Variants in GOLGA4 observed in about 807,000 individuals in gnomAD.
The protein encoded by GOLGA4 is golgin A4, also known as golgin subfamily A member 4.
A neutral mutation model predicts 265.9 loss-of-function variants in GOLGA4; 169 were observed. That is an observed-to-expected ratio of 0.64 (90% CI 0.56 to 0.72). The LOEUF is 0.72. GOLGA4 is among the 30% of genes least tolerant of loss of function. The pLI, the probability that GOLGA4 is intolerant of heterozygous loss-of-function variation, is 0.00. For missense variants in GOLGA4, 2,482 were observed against 2,483.4 expected (o/e 1.00, Z 0.01); for synonymous variants, 923 against 855.8 (o/e 1.08, Z -1.37).
intron 2 of GOLGA4, among the ~76,000 whole-genome samples, chr3:37,255,470 G>T (rs1222044603): frequency 1.3e-5 from 2 of 151,498 alleles, no homozygotes; most frequent in East Asian, 2.0e-4. Context: ...ACCTTTATAT[G>T]TCCCTTTTAT....
At chr3:37,317,376 G>A (rs1226036806) in intron 11 of GOLGA4, among the ~76,000 whole-genome samples, 2 of 152,030 alleles carry the variant, frequency 1.3e-5, no homozygotes, top group African/African-American at 4.8e-5. Flanking sequence ...CTCCATGTTG[G>A]CCAGGCTGGT....
rs900765889 is a variant in GOLGA4, at chr3:37,299,356, G to A, written c.1071G>A (p.Gln357=). 1.9e-6 allele frequency: 3 copies of A among 1,609,740 alleles called. No individual in the cohort carries two copies. The Admixed American group carries it at 5.0e-5, about 27-fold the overall frequency. The change falls in exon 9 of 24, where the codon CAG becomes CAA. Residue 357 remains glutamine, a synonymous_variant. Coordinates refer to ENST00000361924, the MANE Select transcript of GOLGA4 (RefSeq NM_002078.5). Reference sequence around the variant, plus strand: ...GTGATGCAAAGAACTTAATTGAACAGCTTGAACAAGATAAGGTAAAACAAC... The same window carrying A: ...GTGATGCAAAGAACTTAATTGAACAACTTGAACAAGATAAGGTAAAACAAC... The part of the protein sequence containing the change: ...QLRDAKNLIE[Q]LEQDKGMVIA...
rs2096971427 is a variant in GOLGA4, at chr3:37,326,546, C to G, written c.4660C>G (p.Gln1554Glu). The G allele has an allele frequency of 6.2e-7, 1 of 1,609,196 alleles. No homozygotes were observed. ...TGAAGTTCTTAAAAATTACAATCAA[C>G]AAAAGGATATTGAACACAAAGAATT... ...LNEVLKNYNQQKDIEHKELVQ... is the reference protein window; with the variant it reads ...LNEVLKNYNQEKDIEHKELVQ... Residue 1554 changes from glutamine (Q) to glutamate (E), a missense_variant, in exon 14 of 24, where the codon CAA becomes GAA. Transcript: ENST00000361924.
At position 37,251,396 on chromosome 3, in the gene GOLGA4, C is replaced by A. The variant is rs201682914; in HGVS notation, c.74C>A (p.Ala25Glu). The change falls in exon 2 of 24, where the codon GCG (alanine) becomes GAG (glutamate). Residue 25 changes from alanine (A) to glutamate (E), a missense_variant and splice_region_variant. Transcript: ENST00000361924. Reference sequence around the variant, plus strand: ...TTGTGCAATAATTTTTAAATCTAGGCGTCCTCCAATTCTTCAACACCAACA... The same window carrying A: ...TTGTGCAATAATTTTTAAATCTAGGAGTCCTCCAATTCTTCAACACCAACA... ...QLQQALAPAQ[A>E]SSNSSTPTRM... 3 of 1,602,214 alleles carry A rather than the reference C, an allele frequency of 1.9e-6. No homozygotes were observed. The East Asian group carries it at 6.7e-5, about 36-fold the overall frequency.
chr3:37,245,349 C>T (rs576243179), intron 1 of GOLGA4: 2 of 152,508 alleles, frequency 1.3e-5, no homozygotes, highest in Non-Finnish European at 2.9e-5. Context: ...CCTAATGTTA[C>T]GCAGCTAGTG....
intron 10 of GOLGA4, among the ~76,000 whole-genome samples, chr3:37,308,245 AC>A (rs1346287864): frequency 4.6e-5 from 7 of 151,758 alleles, no homozygotes; most frequent in Non-Finnish European, 7.4e-5. Flanking sequence ...AAAAAAAAAA[AC>A]GAACAAAAAG....
chr3:37,279,387 C>T (rs76640322), intron 2 of GOLGA4, among the ~76,000 whole-genome samples: 2,006 of 152,212 alleles, frequency 0.013, 54 homozygotes, highest in African/African-American at 0.045. Context: ...AAGAAAGCTT[C>T]CCCCCGCCCT....
chr3:37,347,212 G>A lies in GOLGA4; in HGVS notation c.6492G>A (p.Thr2164=), dbSNP rs763092455. 60 of 1,610,936 alleles carry A rather than the reference G, an allele frequency of 3.7e-5. No individual in the cohort carries two copies. Among genetic ancestry groups the A allele is most frequent in the Non-Finnish European group, 4.7e-5 (55 of 1,177,752 alleles). The stretch of plus-strand genomic sequence containing the variant: ...TGGCAGGTGGCAATTTGTACCATAC[G>A]GATGTCTCACTCTTTGGAGAACCTA... ...TPYKGGNLYH[T]DVSLFGEPTE... The change falls in exon 21 of 24, where the codon ACG becomes ACA. Residue 2164 remains threonine, a synonymous_variant. Transcript: ENST00000361924.
At chr3:37,308,974 G>C (rs1320708473) in intron 10 of GOLGA4, among the ~76,000 whole-genome samples, 1 of 152,060 alleles carries the variant, frequency 6.6e-6, no homozygotes, top group Non-Finnish European at 1.5e-5. Flanking sequence ...TTATAGGCCG[G>C]GTGTGGTGGC....
Position 37,286,271 on chromosome 3 carries a change from A to G in GOLGA4, c.525+210A>G, listed in dbSNP as rs566538529. Among the ~76,000 whole-genome samples, 3 of 146,674 alleles carry G rather than the reference A, an allele frequency of 2.0e-5. No homozygotes were observed. In the East Asian group the frequency reaches 6.0e-4, roughly 30 times the overall value. ...CGGGTTCACGCCATTCTCCTGCCTC[A>G]GCCTCCCGAGTAGCTGGGACTACAG... is the stretch of plus-strand genomic sequence containing the variant. On this transcript the variant is annotated intron_variant, in intron 4 of 23. Transcript: ENST00000361924.
chr3:37,248,259 G>A (rs1248645469), intron 1 of GOLGA4, among the ~76,000 whole-genome samples: 1 of 152,236 alleles, frequency 6.6e-6, no homozygotes, highest in Non-Finnish European at 1.5e-5. Flanking sequence ...ACAGGCATGA[G>A]CCACTGTGCA....
intron 12 of GOLGA4, chr3:37,319,396 C>T: frequency 2.9e-6 from 1 of 348,986 alleles, no homozygotes; most frequent in East Asian, 5.0e-5. Flanking sequence ...TGATCTAACA[C>T]ACTTTCTTTT....
intron 23 of GOLGA4, among the ~76,000 whole-genome samples, chr3:37,363,999 T>C (rs1331548870): frequency 2.0e-5 from 3 of 152,190 alleles, no homozygotes; most frequent in Non-Finnish European, 4.4e-5. Context: ...TGTTGGTGTC[T>C]TCTTTAGGTT....
At chr3:37,308,842 C>G (rs1219572673) in intron 10 of GOLGA4, among the ~76,000 whole-genome samples, 1 of 152,018 alleles carries the variant, frequency 6.6e-6, no homozygotes, top group African/African-American at 2.4e-5. Flanking sequence ...GTCTCAAACT[C>G]TGACCTCGTG....
At chr3:37,244,452 C>T (rs2096713310) in intron 1 of GOLGA4, among the ~76,000 whole-genome samples, 1 of 152,200 alleles carries the variant, frequency 6.6e-6, no homozygotes, top group Non-Finnish European at 1.5e-5. Context: ...AAACAATTTC[C>T]TAAGCGTTCA....
chr3:37,253,877 G>A (rs984619479), intron 2 of GOLGA4, among the ~76,000 whole-genome samples: 23 of 152,102 alleles, frequency 1.5e-4, no homozygotes, highest in African/African-American at 4.8e-4. Context: ...TTAGCCAGAC[G>A]TGGTGACACG....
At chr3:37,336,496 C>T (rs2097013187) in intron 17 of GOLGA4, among the ~76,000 whole-genome samples, 1 of 151,924 alleles carries the variant, frequency 6.6e-6, no homozygotes, top group African/African-American at 2.4e-5. Flanking sequence ...AGAGGTAGCT[C>T]ATGCCTGTAA....
chr3:37,365,354 C>T (rs760761338), intron 23 of GOLGA4, among the ~76,000 whole-genome samples: 10 of 152,162 alleles, frequency 6.6e-5, no homozygotes, highest in Non-Finnish European at 8.8e-5. Context: ...CTGCAACCTC[C>T]GCCTCCTGAG....
chr3:37,284,532 G>A (rs373863640), intron 3 of GOLGA4, among the ~76,000 whole-genome samples: 5 of 152,232 alleles, frequency 3.3e-5, no homozygotes, highest in South Asian at 2.1e-4. Context: ...GATTACAGGC[G>A]TGAGCCACCA....
Sources: gnomAD v4.1 joint callset for allele counts (sites outside exome capture counted in the v4.1 genomes callset) on GRCh38, gnomAD v4.1.1 for gene constraint, MANE v1.5 for transcripts, NCBI Gene and HGNC (gene_info 2026-07-23, HGNC 2026-07-21) for gene names.